CLPTM1: variants seen among roughly 807,000 people sequenced by gnomAD.
CLPTM1 encodes putative lipid scramblase CLPTM1.
Under a neutral mutation model 77.3 loss-of-function variants are expected in CLPTM1, and 21 were observed. The ratio of observed to expected loss-of-function variants is 0.27; its 90% CI spans 0.19 to 0.39. The LOEUF (loss-of-function observed/expected upper bound fraction) is 0.39. Among genes scored for constraint, CLPTM1 ranks in the 10% least tolerant of loss-of-function variants. CLPTM1 has a pLI of 1.00. For missense variants in CLPTM1, 642 were observed against 921.2 expected (o/e 0.70, Z 3.92); for synonymous variants, 373 against 381.0 (o/e 0.98, Z 0.24).
upstream of CLPTM1, chr19:44,955,219 T>G: frequency 1.2e-5 from 18 of 1,521,464 alleles, no homozygotes; most frequent in Non-Finnish European, 1.6e-5. Context: ...ACGAGTACGG[T>G]GGCCAGGTTG....
intron 2 of CLPTM1, among the ~76,000 whole-genome samples, chr19:44,970,779 ATTC>A (rs1243004505): frequency 1.5e-5 from 2 of 136,550 alleles, no homozygotes; most frequent in Admixed American, 7.2e-5. Flanking sequence ...TCCTTTACTT[ATTC>A]TTTTTTTTTT....
chr19:44,970,400 ATTTTTTTTTTTT>A (rs34309230), intron 2 of CLPTM1, among the ~76,000 whole-genome samples: 4 of 120,016 alleles, frequency 3.3e-5, no homozygotes, highest in Non-Finnish European at 5.0e-5. Flanking sequence ...CTGGGCTAGC[ATTTTTTTTTTTT>A]TTTTTGAGAC....
chr19:44,973,584 G>A (rs1194239778), intron 3 of CLPTM1, among the ~76,000 whole-genome samples: 4 of 152,016 alleles, frequency 2.6e-5, no homozygotes, highest in Non-Finnish European at 5.9e-5. Context: ...AGGCTGACAG[G>A]AGGTGGGCCC....
At chr19:44,959,667 T>C (rs1426931386) in intron 1 of CLPTM1, among the ~76,000 whole-genome samples, 1 of 152,252 alleles carries the variant, frequency 6.6e-6, no homozygotes. Context: ...CTTCATGTTT[T>C]CTGCCTCCTG....
At chr19:44,957,358 C>T (rs1358110889) in intron 1 of CLPTM1, among the ~76,000 whole-genome samples, 1 of 152,268 alleles carries the variant, frequency 6.6e-6, no homozygotes, top group Non-Finnish European at 1.5e-5. Context: ...GACTGGGAAC[C>T]CCAGGAGGGC....
Position 44,988,114 on chromosome 19 carries a change from C to T in CLPTM1, c.1073C>T (p.Ala358Val), listed in dbSNP as rs779015086. The change falls in exon 9 of 14, where the codon GCG becomes GTG. Residue 358 changes from alanine (A) to valine (V), a missense_variant. By Grantham distance (64) the Ala-to-Val change is moderately conservative. Coordinates refer to ENST00000337392, the MANE Select transcript of CLPTM1 (RefSeq NM_001294.4). ...ALLETNPYLLALTIIVSIVHS... is the reference protein window; with the variant it reads ...ALLETNPYLLVLTIIVSIVHS... The stretch of plus-strand genomic sequence containing the variant: ...CTGGAGACCAACCCCTACCTGCTGG[C>T]GCTCACCATCATCGTGTCTATCGTT... The T allele has an allele frequency of 5.6e-6, 9 of 1,614,006 alleles. No homozygotes were observed. Among genetic ancestry groups the T allele is most frequent in the South Asian group, 1.1e-5 (1 of 91,088 alleles).
chr19:44,990,677 A>G lies in CLPTM1; in HGVS notation c.1323+92A>G. ...GGACCCTGGAGCTGGCCCCCGGGGG[A>G]TTCCCAGCAAGTGCCTCACTCCCAG... On this transcript the variant is annotated intron_variant, in intron 10 of 13. Transcript: ENST00000337392. The surrounding 1 kb of genome is among the most constrained non-coding windows in gnomAD (Gnocchi z 4.8). 6.8e-7 allele frequency: 1 copy of G among 1,465,496 alleles called. No individual in the cohort carries two copies. Among genetic ancestry groups the G allele is most frequent in the Non-Finnish European group, 9.4e-7 (1 of 1,063,344 alleles). The allele number at this position is 1,465,496 out of a possible 1,614,324, so 90.8% of individuals were successfully genotyped here.
intron 6 of CLPTM1, among the ~76,000 whole-genome samples, chr19:44,985,853 C>G (rs112055044): frequency 1.2e-3 from 180 of 152,098 alleles, no homozygotes; most frequent in African/African-American, 3.4e-3. Context: ...GGCCACCGTG[C>G]AAGAGTGTGT....
rs142781950 is a variant in CLPTM1 at position 44,992,899 on chromosome 19, C to G, written c.*2C>G. Reference sequence around the variant, plus strand: ...GCAGAGGACAAGAAAAAGGATTAGTCGAGACTGGTCCTCACCTGCTCCGGC... The same window carrying G: ...GCAGAGGACAAGAAAAAGGATTAGTGGAGACTGGTCCTCACCTGCTCCGGC... On this transcript the variant is annotated 3_prime_UTR_variant, in exon 14 of 14. Transcript: ENST00000337392. The surrounding 1 kb of genome is among the most constrained non-coding windows in gnomAD (Gnocchi z 7.7). The G allele has an allele frequency of 6.2e-7, 1 of 1,612,650 alleles. No individual in the cohort carries two copies. Among genetic ancestry groups the G allele is most frequent in the African/African-American group, 1.3e-5 (1 of 74,892 alleles).
chr19:44,977,227 A>C, intron 4 of CLPTM1, 116 bp from the exon 5 acceptor site: 1 of 768,410 alleles, frequency 1.3e-6, no homozygotes, highest in Non-Finnish European at 2.3e-6. Flanking sequence ...AGTACTCAGT[A>C]AATGGCCAGA....
At chr19:44,955,575 G>GC (rs1194501957) in intron 1 of CLPTM1, 108 bp downstream of exon 1, 7 of 1,065,264 alleles carry the variant, frequency 6.6e-6, no homozygotes, top group Non-Finnish European at 8.3e-6. Flanking sequence ...GGGCTCCTTG[G>GC]CCAGAGGGAC....
Position 44,992,477 on chromosome 19 carries a change from G to C in CLPTM1, c.1723+77G>C. On this transcript the variant is annotated intron_variant, in intron 13 of 13. Transcript: ENST00000337392. This position sits in a 1 kb window ranked among gnomAD's most constrained non-coding sequence, Gnocchi z 7.7. ...AGTCTTTAGGGCCCAGGCCTGAGGG[G>C]GTGCCACGGCCCCAGATGGGGTGCT... 6.3e-7 allele frequency: 1 copy of C among 1,595,076 alleles called. No homozygotes were observed. Among genetic ancestry groups the C allele is most frequent in the Admixed American group, 1.7e-5 (1 of 59,366 alleles).
rs779396307 is a variant in CLPTM1 at position 44,977,350 on chromosome 19, A to G, written c.476A>G (p.Gln159Arg). ...FAELDIPQSV[Q>R]QNGSIYIHVY... ...ACCTTCCGTCTTTTGCAGAGCGTCC[A>G]GCAGAACGGCTCCATCTACATCCAC... The change falls in exon 5 of 14, where the codon CAG (glutamine) becomes CGG (arginine). Residue 159 changes from glutamine to arginine, a missense_variant. By Grantham distance (43) the Gln-to-Arg change is conservative. Transcript: ENST00000337392. 6.2e-7 allele frequency: 1 copy of G among 1,608,994 alleles called. No individual in the cohort carries two copies. Among genetic ancestry groups the G allele is most frequent in the African/African-American group, 1.3e-5 (1 of 74,904 alleles).
rs145157806 is a variant in CLPTM1, at chr19:44,981,089, C to T, written c.586+3629C>T. Among the ~76,000 whole-genome samples the T allele has an allele frequency of 6.0e-4, 92 of 152,192 alleles. 1 individual carries two copies. Among genetic ancestry groups the T allele is most frequent in the African/African-American group, 2.2e-3 (91 of 41,540 alleles). On this transcript the variant is annotated intron_variant, in intron 5 of 13. Transcript: ENST00000337392. ...ATCTCCTGACCTCGTGATCCACCCG[C>T]CTTGGCCTCCCAAAGCACTGGGATT...
Position 44,973,131 on chromosome 19 carries a change from C to T in CLPTM1, c.230C>T (p.Pro77Leu), listed in dbSNP as rs374102168. 12 of 1,613,914 alleles carry T rather than the reference C, an allele frequency of 7.4e-6. No individual in the cohort carries two copies. Among genetic ancestry groups the T allele is most frequent in the Admixed American group, 5.0e-5 (3 of 59,998 alleles). The change falls in exon 3 of 14, where the codon CCG (proline) becomes CTG (leucine). Residue 77 changes from proline to leucine, a missense_variant. Pro to Leu is a moderately conservative substitution (Grantham distance 98). Transcript: ENST00000337392. ...WAISSWFRRG[P>L]APQDQAGPGG... ...ATCAGCAGTTGGTTCCGCCGAGGGC[C>T]GGCCCCTCAGGACCAGGCGGGCCCC...
At position 44,980,117 on chromosome 19, in the gene CLPTM1, C is replaced by T. The variant is rs545893367; in HGVS notation, c.586+2657C>T. Among the ~76,000 whole-genome samples the T allele has an allele frequency of 2.6e-5, 4 of 152,260 alleles. No individual in the cohort carries two copies. In the East Asian group the frequency reaches 7.7e-4, roughly 29 times the overall value. On this transcript the variant is annotated intron_variant, in intron 5 of 13. Transcript: ENST00000337392. ...ATACTAGGATCATCCAGGCCTCCCTCCCCAGCCTTGGAGCTGGGACCCTCA... is the reference window on the plus strand; with the variant it reads ...ATACTAGGATCATCCAGGCCTCCCTTCCCAGCCTTGGAGCTGGGACCCTCA...
rs1048270427 is a variant in CLPTM1, at chr19:44,992,110, ATAGGAAGTGGTAGAGTGTGCCCAGGTG to A, written c.1556-111_1556-85del. ...GGCCGCTGGTAGAGTGTGCCCAGGT[ATAGGAAGTGGTAGAGTGTGCCCAGGTG>A]TAGGAAGTGGTGAGGGGGCTGGTAT... is the stretch of plus-strand genomic sequence containing the variant. On this transcript the variant is annotated intron_variant, in intron 12 of 13. Coordinates refer to ENST00000337392, the MANE Select transcript of CLPTM1 (RefSeq NM_001294.4). This position sits in a 1 kb window ranked among gnomAD's most constrained non-coding sequence, Gnocchi z 7.7. 4.2e-6 allele frequency: 4 copies of A among 950,522 alleles called. No homozygotes were observed. Among genetic ancestry groups the A allele is most frequent in the Admixed American group, 2.2e-5 (1 of 44,466 alleles). The allele number at this position is 950,522 out of a possible 1,614,324, so 58.9% of individuals were successfully genotyped here. A position where few individuals can be genotyped will look rare whatever the true frequency, so the allele number is the denominator to read the frequency against.
chr19:44,982,242 G>A (rs949296319), intron 5 of CLPTM1, among the ~76,000 whole-genome samples: 50 of 151,978 alleles, frequency 3.3e-4, no homozygotes, highest in African/African-American at 1.2e-3. Flanking sequence ...CCGTCTACTC[G>A]GGAGGCTGAG....
At position 44,991,941 on chromosome 19, in the gene CLPTM1, GAGT is replaced by G. The variant is rs1971082689; in HGVS notation, c.1556-290_1556-288del. On this transcript the variant is annotated intron_variant, in intron 12 of 13. Coordinates refer to ENST00000337392, the MANE Select transcript of CLPTM1 (RefSeq NM_001294.4). The surrounding 1 kb of genome is among the most constrained non-coding windows in gnomAD (Gnocchi z 5.4). ...GACCGGGTGAATCACAGCCAATAGTGAGTACTGTGAAGGGCAGAGTGGTGGGAG... is the reference window on the plus strand; with the variant it reads ...GACCGGGTGAATCACAGCCAATAGTGACTGTGAAGGGCAGAGTGGTGGGAG... 2.0e-5 allele frequency among the ~76,000 whole-genome samples: 3 copies of G among 152,212 alleles called. No homozygotes were observed. The South Asian group carries it at 6.2e-4, about 32-fold the overall frequency.
Sources: gnomAD v4.1 joint callset for allele counts (sites outside exome capture counted in the v4.1 genomes callset) on GRCh38, gnomAD v4.1.1 for gene constraint, Gnocchi (gnomAD v3.1) non-coding constraint, MANE v1.5 for transcripts, NCBI Gene and HGNC (gene_info 2026-07-23, HGNC 2026-07-21) for gene names.